Variants in CNTNAP5 observed in about 807,000 individuals in gnomAD.
The protein encoded by CNTNAP5 is contactin associated protein family member 5.
A neutral mutation model predicts 150.2 loss-of-function variants in CNTNAP5; 72 were observed. That is an observed-to-expected ratio of 0.48 (90% CI 0.40 to 0.58). CNTNAP5 has a LOEUF of 0.58. Among genes scored for constraint, CNTNAP5 ranks in the 20% least tolerant of loss-of-function variants. CNTNAP5 has a pLI of 0.00. For missense variants in CNTNAP5, 1,636 were observed against 1,626.2 expected (o/e 1.01, Z -0.10); for synonymous variants, 672 against 619.8 (o/e 1.08, Z -1.25).
chr2:124,440,219 T>G (rs1021969087), intron 5 of CNTNAP5, among the ~76,000 whole-genome samples: 1 of 152,190 alleles, frequency 6.6e-6, no homozygotes, highest in African/African-American at 2.4e-5. Context: ...TCGGTGTTGA[T>G]AGCCTGACAA....
chr2:124,420,766 C>G (rs77919433), intron 4 of CNTNAP5, among the ~76,000 whole-genome samples: 6,321 of 152,274 alleles, frequency 0.042, 167 homozygotes, highest in Non-Finnish European at 0.053. Context: ...GCTTCCCCTT[C>G]TTGATGGCCC....
chr2:124,316,377 CAT>C (rs771257448), intron 3 of CNTNAP5, among the ~76,000 whole-genome samples: 3 of 152,136 alleles, frequency 2.0e-5, no homozygotes, highest in African/African-American at 4.8e-5. Flanking sequence ...TCAATTAGCA[CAT>C]GAGTGAATTG....
chr2:124,598,914 C>CT (rs1257129757), intron 11 of CNTNAP5, among the ~76,000 whole-genome samples: 2 of 151,814 alleles, frequency 1.3e-5, no homozygotes, highest in Admixed American at 6.6e-5. Flanking sequence ...TTTCCAGGTG[C>CT]GTCCGTCACC....
chr2:124,197,879 G>T (rs1043790699), intron 1 of CNTNAP5, among the ~76,000 whole-genome samples: 9 of 152,000 alleles, frequency 5.9e-5, no homozygotes, highest in African/African-American at 2.2e-4. Context: ...TACTCAGGAG[G>T]CTGAGGCAGG....
rs773234872 is a variant in CNTNAP5 at position 124,417,542 on chromosome 2, C to A, written c.481C>A (p.Pro161Thr). ...TCGCTTTGTGCCCCTGGAATGGAATCCCAGTGGGAAGATTGGCATGAGAGT... is the reference window on the plus strand; with the variant it reads ...TCGCTTTGTGCCCCTGGAATGGAATACCAGTGGGAAGATTGGCATGAGAGT... ...FVRFVPLEWN[P>T]SGKIGMRVEV... Residue 161 changes from proline to threonine, a missense_variant, in exon 4 of 24, where the codon CCC becomes ACC. Transcript: ENST00000682447. 6.2e-7 allele frequency: 1 copy of A among 1,613,682 alleles called. No homozygotes were observed. Among genetic ancestry groups the A allele is most frequent in the South Asian group, 1.1e-5 (1 of 90,986 alleles).
intron 3 of CNTNAP5, among the ~76,000 whole-genome samples, chr2:124,369,342 TATGTGGTTTTAGCTGAATC>T (rs1309840720): frequency 6.6e-6 from 1 of 152,112 alleles, no homozygotes; most frequent in Non-Finnish European, 1.5e-5. Flanking sequence ...AACAGTCAAT[TATGTGGTTTTAGCTGAATC>T]ATCTAATCTC....
chr2:124,626,475 G>C (rs1677725214), intron 12 of CNTNAP5, among the ~76,000 whole-genome samples: 1 of 152,070 alleles, frequency 6.6e-6, no homozygotes, highest in Non-Finnish European at 1.5e-5. Flanking sequence ...GCACTGAGTG[G>C]GTGTACCTCC....
chr2:124,712,797 G>A (rs922949715), intron 13 of CNTNAP5, among the ~76,000 whole-genome samples: 3 of 151,512 alleles, frequency 2.0e-5, no homozygotes, highest in Non-Finnish European at 4.4e-5. Flanking sequence ...ACCCAGGCTG[G>A]AGTGCAATAA....
At chr2:124,462,796 GA>G (rs1311628938) in intron 6 of CNTNAP5, among the ~76,000 whole-genome samples, 2 of 152,196 alleles carry the variant, frequency 1.3e-5, no homozygotes, top group African/African-American at 4.8e-5. Context: ...ACCAAGCTAA[GA>G]AACGAATGAA....
At position 124,789,905 on chromosome 2, in the gene CNTNAP5, G is replaced by T. The variant is rs762966870; in HGVS notation, c.2756G>T (p.Gly919Val). The T allele has an allele frequency of 2.5e-6, 4 of 1,613,052 alleles. No individual in the cohort carries two copies. Among genetic ancestry groups the T allele is most frequent in the Non-Finnish European group, 3.4e-6 (4 of 1,179,406 alleles). Residue 919 changes from glycine (G) to valine (V), a missense_variant, in exon 18 of 24, where the codon GGA (glycine) becomes GTA (valine). By Grantham distance (109) the Gly-to-Val change is moderately radical. Coordinates refer to ENST00000682447, the MANE Select transcript of CNTNAP5 (RefSeq NM_001367498.1). Reference sequence around the variant, plus strand: ...TTCCTTTTATTTAACCTCTTAGGGGGAACGTCATCCAGACAGAAAGGCTTC... The same window carrying T: ...TTCCTTTTATTTAACCTCTTAGGGGTAACGTCATCCAGACAGAAAGGCTTC... ...LQLNSQLFVGGTSSRQKGFLG... is the reference protein window; with the variant it reads ...LQLNSQLFVGVTSSRQKGFLG...
intron 3 of CNTNAP5, among the ~76,000 whole-genome samples, chr2:124,245,450 G>A (rs1451782177): frequency 2.6e-5 from 4 of 152,002 alleles, no homozygotes; most frequent in African/African-American, 9.7e-5. Context: ...AAGAACAATA[G>A]TCAAACAAAA....
At chr2:124,310,356 A>G (rs927342977) in intron 3 of CNTNAP5, among the ~76,000 whole-genome samples, 2 of 152,092 alleles carry the variant, frequency 1.3e-5, no homozygotes, top group East Asian at 1.9e-4. Flanking sequence ...GAAAGAAAAG[A>G]TTTGAATGAG....
Position 124,386,018 on chromosome 2 carries a change from T to G in CNTNAP5, c.382-31425T>G, listed in dbSNP as rs145675282. Among the ~76,000 whole-genome samples, 80 of 151,868 alleles carry G rather than the reference T, an allele frequency of 5.3e-4. 1 individual carries two copies. Among genetic ancestry groups the G allele is most frequent in the East Asian group, 4.8e-3 (25 of 5,156 alleles). ...GATGTTTGTTGAATGAATTAATGAG[T>G]GAGTGAGTAAGTGAACTGCCCAGGC... On this transcript the variant is annotated intron_variant, in intron 3 of 23. Transcript: ENST00000682447.
At chr2:124,125,822 A>G (rs1390673524) in intron 1 of CNTNAP5, among the ~76,000 whole-genome samples, 1 of 152,238 alleles carries the variant, frequency 6.6e-6, no homozygotes, top group African/African-American at 2.4e-5. Context: ...TACTGGGTAC[A>G]TAACAAAATG....
At chr2:124,198,181 G>A (rs891740557) in intron 1 of CNTNAP5, among the ~76,000 whole-genome samples, 5 of 135,820 alleles carry the variant, frequency 3.7e-5, no homozygotes, top group Non-Finnish European at 6.4e-5. Context: ...TGAGCCATTT[G>A]AGTTTCTTTT....
intron 21 of CNTNAP5, among the ~76,000 whole-genome samples, chr2:124,891,939 G>A (rs561514773): frequency 3.8e-4 from 58 of 152,128 alleles, no homozygotes; most frequent in African/African-American, 1.3e-3. Context: ...CACAATTATG[G>A]GCCCTTCACC....
intron 1 of CNTNAP5, among the ~76,000 whole-genome samples, chr2:124,215,082 A>C (rs1043896836): frequency 3.3e-5 from 5 of 152,234 alleles, no homozygotes; most frequent in African/African-American, 7.2e-5. Flanking sequence ...TAATTGAAGC[A>C]AAAGGCATGA....
intron 21 of CNTNAP5, among the ~76,000 whole-genome samples, chr2:124,897,933 C>A (rs1678338693): frequency 8.0e-6 from 1 of 125,490 alleles, no homozygotes. Flanking sequence ...TAAGCAAATG[C>A]CAAGTGTGTG....
intron 1 of CNTNAP5, among the ~76,000 whole-genome samples, chr2:124,061,681 A>G (rs1042309357): frequency 2.6e-5 from 4 of 152,220 alleles, no homozygotes; most frequent in Non-Finnish European, 5.9e-5. Flanking sequence ...ATAAGAAAAA[A>G]ATAGCACAGT....
Sources: gnomAD v4.1 joint callset for allele counts (sites outside exome capture counted in the v4.1 genomes callset) on GRCh38, gnomAD v4.1.1 for gene constraint, MANE v1.5 for transcripts, NCBI Gene and HGNC (gene_info 2026-07-23, HGNC 2026-07-21) for gene names.